The following TACC2 variants were observed in gnomAD, a reference collection of about 807,000 sequenced individuals.
TACC2 encodes the protein transforming acidic coiled-coil-containing protein 2.
In TACC2, 137 loss-of-function variants were observed where a neutral mutation model predicts 227.3. The observed-to-expected ratio is 0.60, with a 90% CI of 0.52 to 0.69. The LOEUF is 0.69. Ranked by LOEUF, TACC2 falls within the 30% of genes least tolerant of loss-of-function variation. The pLI is 0.00. For synonymous variants in TACC2, 1,523 were observed against 1,487.5 expected, an observed-to-expected ratio of 1.02 and a Z score of -0.55; for missense variants, 3,470 against 3,694.4, an observed-to-expected ratio of 0.94 and a Z score of 1.57.
At chr10:122,071,836 G>A (rs373045311) in intron 3 of TACC2, among the ~76,000 whole-genome samples, 5 of 147,238 alleles carry the variant, frequency 3.4e-5, no homozygotes, top group East Asian at 4.1e-4. Context: ...GCAGTAAGCC[G>A]AGATTGCGCC....
At chr10:122,227,794 C>T in intron 13 of TACC2, 43 bp from the exon 14 acceptor site, 2 of 1,574,840 alleles carry the variant, frequency 1.3e-6, no homozygotes, top group East Asian at 2.3e-5. Flanking sequence ...CAGTGGGTTT[C>T]CCAATGAGAA....
In TACC2 at chr10:122,211,356, C is replaced by A. The variant is rs757238700; in HGVS notation, c.6931C>A (p.Leu2311Ile). 1.2e-6 allele frequency: 2 copies of A among 1,613,934 alleles called. No homozygotes were observed. The highest frequency in any genetic ancestry group is 2.7e-5 in the African/African-American group (2 of 74,996). Reference protein sequence around the residue: ...RPKMKKTPEKLDNTPASPPRS... With the variant: ...RPKMKKTPEKIDNTPASPPRS... ...AAAGATGAAAAAGACACCCGAGAAA[C>A]TTGACAACACTCCTGCCTCACCTCC... Residue 2311 changes from leucine to isoleucine, a missense_variant, in exon 9 of 23, where the codon CTT (leucine) becomes ATT (isoleucine). By Grantham distance (5) the Leu-to-Ile change is conservative. This residue lies in a region of TACC2 where 593 missense variants were observed against 636.6 expected (regional missense o/e 0.93). Coordinates refer to ENST00000369005, the MANE Select transcript of TACC2 (RefSeq NM_206862.4).
Position 122,084,000 on chromosome 10 carries a change from C to T in TACC2, c.1500C>T (p.His500=). Residue 500 remains histidine (H), a synonymous_variant, in exon 4 of 23, where the codon CAC becomes CAT. Coordinates refer to ENST00000369005, the MANE Select transcript of TACC2 (RefSeq NM_206862.4). Reference sequence around the variant, plus strand: ...CATCACCCCAGGAGAGGGGAGAGCACTTGAACACGGAGCAAAGCCATGAGG... The same window carrying T: ...CATCACCCCAGGAGAGGGGAGAGCATTTGAACACGGAGCAAAGCCATGAGG... ...PAPSPQERGE[H]LNTEQSHEVQ... 6.2e-7 allele frequency: 1 copy of T among 1,614,046 alleles called. No individual in the cohort carries two copies. The highest frequency in any genetic ancestry group is 1.6e-4 in the Middle Eastern group (1 of 6,062).
chr10:122,227,704 A>T, intron 13 of TACC2, 133 bp from the exon 14 acceptor site: 3 of 982,202 alleles, frequency 3.1e-6, no homozygotes, highest in Non-Finnish European at 4.6e-6. Flanking sequence ...CTGCATGGCC[A>T]CTGGAGACCT....
At chr10:122,149,417 A>G (rs1215078895) in intron 7 of TACC2, among the ~76,000 whole-genome samples, 4 of 152,194 alleles carry the variant, frequency 2.6e-5, no homozygotes, top group Admixed American at 2.6e-4. Flanking sequence ...ACACCCCTTG[A>G]GAAATGCTAC....
intron 22 of TACC2, 121 bp downstream of exon 22, chr10:122,249,785 C>T (rs2096215327): frequency 3.3e-6 from 4 of 1,212,698 alleles, no homozygotes; most frequent in East Asian, 2.6e-5. Context: ...CGAATTCATG[C>T]TTCATGAGCA....
chr10:122,249,739 A>C, intron 22 of TACC2, 75 bp downstream of exon 22: 1 of 1,516,226 alleles, frequency 6.6e-7, no homozygotes. Flanking sequence ...CCAGCTAGAC[A>C]GGCTGGGCTT....
intron 7 of TACC2, among the ~76,000 whole-genome samples, chr10:122,152,999 C>CTTTTTTTTTTTTTTTTTTT (rs150943859): frequency 2.2e-5 from 3 of 135,024 alleles, no homozygotes; most frequent in South Asian, 2.3e-4. Context: ...TTCTTTCTTT[C>CTTTTTTTTTTTTTTTTTTT]TTTTTTTTTT....
intron 3 of TACC2, among the ~76,000 whole-genome samples, chr10:122,080,211 C>CTTTT (rs111618289): frequency 7.1e-5 from 8 of 113,192 alleles, no homozygotes; most frequent in Admixed American, 9.5e-5. Context: ...TCTTCCTTTC[C>CTTTT]TTTTTTTTTT....
At chr10:122,151,599 T>G (rs1565444587) in intron 7 of TACC2, among the ~76,000 whole-genome samples, 1 of 151,664 alleles carries the variant, frequency 6.6e-6, no homozygotes, top group Non-Finnish European at 1.5e-5. Flanking sequence ...CAAAGAAACA[T>G]GTCTTCTCTT....
At chr10:122,158,278 A>G (rs1340527255) in intron 7 of TACC2, among the ~76,000 whole-genome samples, 3 of 151,950 alleles carry the variant, frequency 2.0e-5, no homozygotes, top group Non-Finnish European at 4.4e-5. Flanking sequence ...GGTCCCAGCT[A>G]CTCGGGAGGC....
At chr10:122,170,581 C>T (rs2093420846) in intron 7 of TACC2, among the ~76,000 whole-genome samples, 1 of 152,124 alleles carries the variant, frequency 6.6e-6, no homozygotes, top group African/African-American at 2.4e-5. Context: ...GGATCACAGG[C>T]GTGAGCCACT....
chr10:122,060,293 G>T (rs2461233), intron 3 of TACC2, among the ~76,000 whole-genome samples: 6 of 151,936 alleles, frequency 3.9e-5, no homozygotes, highest in East Asian at 1.9e-4. Flanking sequence ...TCAAAGAAGG[G>T]GCCCAGGTAG....
Position 122,195,120 on chromosome 10 carries a change from C to T in TACC2, c.5915C>T (p.Pro1972Leu), listed in dbSNP as rs770879290. ...GCTCCGCCAGCTCCACCCCCACCAC[C>T]CCCCGAAGTCATCCCAGAACCCGAG... ...VKAPPAPPPP[P>L]PEVIPEPEVS... Residue 1972 changes from proline (P) to leucine (L), a missense_variant, in exon 8 of 23, where the codon CCC becomes CTC. Around this residue, in one of 10 missense-constraint regions of TACC2, gnomAD observed 593 missense variants for 636.6 expected, o/e 0.93. Coordinates refer to ENST00000369005, the MANE Select transcript of TACC2 (RefSeq NM_206862.4). 1.2e-6 allele frequency: 2 copies of T among 1,613,352 alleles called. No individual in the cohort carries two copies. The highest frequency in any genetic ancestry group is 1.7e-6 in the Non-Finnish European group (2 of 1,179,554).
At chr10:121,994,632 A>T (rs949736791) in intron 1 of TACC2, 1 of 152,440 alleles carries the variant, frequency 6.6e-6, no homozygotes, top group African/African-American at 2.4e-5. Flanking sequence ...GGTGGAGGGC[A>T]GTGCTGAAAA....
intron 7 of TACC2, among the ~76,000 whole-genome samples, chr10:122,187,779 G>A (rs537950696): frequency 3.3e-5 from 5 of 152,210 alleles, no homozygotes; most frequent in Admixed American, 6.5e-5. Context: ...GGTGTGAGCC[G>A]CGGTGCCCAG....
chr10:122,143,343 A>C (rs1302120105), intron 6 of TACC2, among the ~76,000 whole-genome samples: 1 of 152,110 alleles, frequency 6.6e-6, no homozygotes, highest in Non-Finnish European at 1.5e-5. Context: ...ACAGAAGCTT[A>C]AGGAGGGAGG....
At chr10:122,207,745 A>T (rs1433439553) in intron 8 of TACC2, among the ~76,000 whole-genome samples, 1 of 152,230 alleles carries the variant, frequency 6.6e-6, no homozygotes, top group Non-Finnish European at 1.5e-5. Flanking sequence ...TGGAGGAAGC[A>T]ATGAGCAGAT....
intron 3 of TACC2, among the ~76,000 whole-genome samples, chr10:122,081,789 G>A (rs965469712): frequency 1.3e-5 from 2 of 152,104 alleles, no homozygotes; most frequent in Non-Finnish European, 2.9e-5. Flanking sequence ...GGTCACGTGC[G>A]GAAATTCCAT....
Sources: allele counts gnomAD v4.1 joint callset (sites outside exome capture counted in the v4.1 genomes callset), GRCh38; gene constraint gnomAD v4.1.1; regional missense constraint gnomAD v4.1.1; transcripts MANE v1.5; gene names NCBI Gene and HGNC (gene_info 2026-07-23, HGNC 2026-07-21).